The following EDF1 variants were observed in gnomAD, a reference collection of about 807,000 sequenced individuals.
EDF1 encodes endothelial differentiation related factor 1.
Under a neutral mutation model 20.8 loss-of-function variants are expected in EDF1, and 5 were observed. The ratio of observed to expected loss-of-function variants is 0.24; its 90% CI spans 0.13 to 0.51. The LOEUF (loss-of-function observed/expected upper bound fraction) is 0.51. Among genes scored for constraint, EDF1 ranks in the 20% least tolerant of loss-of-function variants. The pLI, the probability that EDF1 is intolerant of heterozygous loss-of-function variation, is 0.97. For synonymous variants in EDF1, 96 were observed against 78.5 expected (o/e 1.22, Z -1.18); for missense variants, 137 against 197.8 (o/e 0.69, Z 1.84).
At position 136,863,343 on chromosome 9, in the gene EDF1, T is replaced by G; in HGVS notation, c.236A>C (p.Lys79Thr). 1 of 1,614,066 alleles carries G rather than the reference T, an allele frequency of 6.2e-7. No individual in the cohort carries two copies. Among genetic ancestry groups the G allele is most frequent in the Non-Finnish European group, 8.5e-7 (1 of 1,180,008 alleles). Reference protein sequence around the residue: ...HHDRVTLEVGKVIQQGRQSKG... With the variant: ...HHDRVTLEVGTVIQQGRQSKG... ...GCTCTGCCGACCTTGCTGGATCACC[T>G]TGCCCACCTCCAGGGTCACCCTGTC... Residue 79 changes from lysine to threonine, a missense_variant, in exon 3 of 5, where the codon AAG (lysine) becomes ACG (threonine). Lys to Thr is a moderately conservative substitution (Grantham distance 78). Coordinates refer to ENST00000224073, the MANE Select transcript of EDF1 (RefSeq NM_003792.4). This position sits in a 1 kb window ranked among gnomAD's most constrained non-coding sequence, Gnocchi z 4.5.
Position 136,862,808 on chromosome 9 carries a change from G to C in EDF1, c.385+98C>G, listed in dbSNP as rs1287300608. 2 of 1,610,048 alleles carry C rather than the reference G, an allele frequency of 1.2e-6. No individual in the cohort carries two copies. The highest frequency in any genetic ancestry group is 3.3e-5 in the Admixed American group (2 of 59,976). On this transcript the variant is annotated intron_variant, in intron 4 of 4. Transcript: ENST00000224073. The surrounding 1 kb of genome is among the most constrained non-coding windows in gnomAD (Gnocchi z 4.1). ...ATTCAGAGAACAGGGGACCCCCAGG[G>C]CCATCTTCTTCCCCCGAGTCCCACT...
chr9:136,862,406 C>A lies in EDF1; in HGVS notation c.386-61G>T. The A allele has an allele frequency of 6.2e-7, 1 of 1,613,956 alleles. No homozygotes were observed. ...CAGCTCCCTCCTCCCCCCAACGCTG[C>A]CCCTCTTCAACATCTTCCCAGGGAA... is the stretch of plus-strand genomic sequence containing the variant. On this transcript the variant is annotated intron_variant, in intron 4 of 4. Coordinates refer to ENST00000224073, the MANE Select transcript of EDF1 (RefSeq NM_003792.4). The surrounding 1 kb of genome is among the most constrained non-coding windows in gnomAD (Gnocchi z 4.1).
chr9:136,865,632 C>T (rs771844743), intron 1 of EDF1, among the ~76,000 whole-genome samples: 1 of 150,528 alleles, frequency 6.6e-6, no homozygotes, highest in Non-Finnish European at 1.5e-5. Flanking sequence ...CCACCCCTGT[C>T]CTAAGCCCTG....
At position 136,862,934 on chromosome 9, in the gene EDF1, C is replaced by G; in HGVS notation, c.357G>C (p.Gln119His). 3 of 1,613,970 alleles carry G rather than the reference C, an allele frequency of 1.9e-6. No individual in the cohort carries two copies. Among genetic ancestry groups the G allele is most frequent in the Non-Finnish European group, 2.5e-6 (3 of 1,180,030 alleles). The change falls in exon 4 of 5, where the codon CAG (glutamine) becomes CAC (histidine). Residue 119 changes from glutamine to histidine, a missense_variant. Coordinates refer to ENST00000224073, the MANE Select transcript of EDF1 (RefSeq NM_003792.4). The surrounding 1 kb of genome is among the most constrained non-coding windows in gnomAD (Gnocchi z 4.1). The part of the protein sequence containing the change: ...YESGRAIPNN[Q>H]VLGKIERAIG... The stretch of plus-strand genomic sequence containing the variant: ...TGGCCCGCTCGATTTTGCCAAGCAC[C>G]TGGTTATTGGGTATGGCCCGTCCGC...
In EDF1 at chr9:136,866,280, G is replaced by C. The variant is rs1036614558; in HGVS notation, c.-22C>G. The C allele has an allele frequency of 4.4e-6, 7 of 1,591,750 alleles. No individual in the cohort carries two copies. Among genetic ancestry groups the C allele is most frequent in the Non-Finnish European group, 5.1e-6 (6 of 1,173,060 alleles). ...CCATGGCGGGCGAAGACGAGCGTCC[G>C]TCCGGCGGCTCAGCGGCAGCTGCTA... On this transcript the variant is annotated 5_prime_UTR_variant, in exon 1 of 5. Coordinates refer to ENST00000224073, the MANE Select transcript of EDF1 (RefSeq NM_003792.4).
chr9:136,865,325 A>C (rs936482890), intron 1 of EDF1, among the ~76,000 whole-genome samples: 2 of 152,034 alleles, frequency 1.3e-5, no homozygotes, highest in Non-Finnish European at 2.9e-5. Flanking sequence ...AACAGGGTCC[A>C]CCTGCTCATG....
Position 136,863,052 on chromosome 9 carries a change from A to G in EDF1, c.292-53T>C. The G allele has an allele frequency of 6.2e-7, 1 of 1,607,622 alleles. No individual in the cohort carries two copies. The highest frequency in any genetic ancestry group is 1.1e-5 in the South Asian group (1 of 90,948). On this transcript the variant is annotated intron_variant, in intron 3 of 4. Coordinates refer to ENST00000224073, the MANE Select transcript of EDF1 (RefSeq NM_003792.4). The surrounding 1 kb of genome is among the most constrained non-coding windows in gnomAD (Gnocchi z 4.5). ...TCAGCTCCACTAGGACTGCTGCAAA[A>G]CCAGGCGCGAAGCGTCGCCTGAGAA... is the stretch of plus-strand genomic sequence containing the variant.
chr9:136,862,618 G>A lies in EDF1; in HGVS notation c.386-273C>T, dbSNP rs765427114. 1.5e-4 allele frequency: 233 copies of A among 1,523,848 alleles called. No homozygotes were observed. The highest frequency in any genetic ancestry group is 2.3e-4 in the Middle Eastern group (1 of 4,292). 94.4% of individuals were successfully genotyped at this position (1,523,848 alleles called of 1,614,324 possible). A position where few individuals can be genotyped will look rare whatever the true frequency, so the allele number is the denominator to read the frequency against. The stretch of plus-strand genomic sequence containing the variant: ...TTCCGGCCCCATGCTGACAGGGCCC[G>A]GACCCGCTGTGCTCAGGCTCAGAGA... On this transcript the variant is annotated intron_variant, in intron 4 of 4. Coordinates refer to ENST00000224073, the MANE Select transcript of EDF1 (RefSeq NM_003792.4). This position sits in a 1 kb window ranked among gnomAD's most constrained non-coding sequence, Gnocchi z 4.1.
At position 136,862,660 on chromosome 9, in the gene EDF1, C is replaced by A; in HGVS notation, c.385+246G>T. Reference sequence around the variant, plus strand: ...GCTCAGAGAACCATCGCCAACAGCACAGGCTGACGGGAACTGGCAAGGGGA... The same window carrying A: ...GCTCAGAGAACCATCGCCAACAGCAAAGGCTGACGGGAACTGGCAAGGGGA... On this transcript the variant is annotated intron_variant, in intron 4 of 4. Transcript: ENST00000224073. The surrounding 1 kb of genome is among the most constrained non-coding windows in gnomAD (Gnocchi z 4.1). 1 of 1,492,468 alleles carries A rather than the reference C, an allele frequency of 6.7e-7. No homozygotes were observed. Among genetic ancestry groups the A allele is most frequent in the Non-Finnish European group, 8.9e-7 (1 of 1,126,996 alleles). The allele number at this position is 1,492,468 out of a possible 1,614,324, so 92.5% of individuals were successfully genotyped here.
intron 1 of EDF1, among the ~76,000 whole-genome samples, chr9:136,864,515 G>GT (rs1352916974): frequency 3.3e-5 from 5 of 152,112 alleles, no homozygotes; most frequent in Non-Finnish European, 7.3e-5. Flanking sequence ...CTGGTTCCTA[G>GT]TAACACAGAG....
chr9:136,863,148 C>A lies in EDF1; in HGVS notation c.291+140G>T. On this transcript the variant is annotated intron_variant, in intron 3 of 4. Transcript: ENST00000224073. The surrounding 1 kb of genome is among the most constrained non-coding windows in gnomAD (Gnocchi z 4.5). The stretch of plus-strand genomic sequence containing the variant: ...GTTTTGTGCGAGAGGCAGTGAGAGC[C>A]GGGCTGACCTGGCTTCCCGAGGCAT... 1 of 1,513,878 alleles carries A rather than the reference C, an allele frequency of 6.6e-7. No homozygotes were observed. Among genetic ancestry groups the A allele is most frequent in the Non-Finnish European group, 9.0e-7 (1 of 1,115,682 alleles). 93.8% of individuals were successfully genotyped at this position (1,513,878 alleles called of 1,614,324 possible). A position where few individuals can be genotyped will look rare whatever the true frequency, so the allele number is the denominator to read the frequency against.
Position 136,862,320 on chromosome 9 carries a change from A to G in EDF1, c.411T>C (p.Ile137=), listed in dbSNP as rs145826099. ...TAGGCCCCTTCTCGATGGGCTTTCC[A>G]ATGTCCTTTCCCCGGAGCTTGAGGC... is the stretch of plus-strand genomic sequence containing the variant. ...AIGLKLRGKD[I]GKPIEKGPRA... The change falls in exon 5 of 5, where the codon ATT becomes ATC. Residue 137 remains isoleucine, a synonymous_variant. Transcript: ENST00000224073. This position sits in a 1 kb window ranked among gnomAD's most constrained non-coding sequence, Gnocchi z 4.1. 3.7e-3 allele frequency: 6,044 copies of G among 1,613,804 alleles called. 20 individuals carry two copies. The highest frequency in any genetic ancestry group is 7.3e-3 in the Middle Eastern group (44 of 6,060).
At position 136,863,885 on chromosome 9, in the gene EDF1, A is replaced by C. The variant is rs150134508; in HGVS notation, c.79-14T>G. 2.1e-5 allele frequency: 34 copies of C among 1,613,714 alleles called. No homozygotes were observed. The highest frequency in any genetic ancestry group is 2.8e-5 in the Non-Finnish European group (33 of 1,179,966). ...CGCTAAGATAGCCTAGAAAATTAGA[A>C]AACATCAGTGGATCAAAATTAGCTT... On this transcript the variant is annotated splice_polypyrimidine_tract_variant and intron_variant, in intron 1 of 4. Transcript: ENST00000224073. This position sits in a 1 kb window ranked among gnomAD's most constrained non-coding sequence, Gnocchi z 4.5.
chr9:136,865,472 C>G (rs966380614), intron 1 of EDF1, among the ~76,000 whole-genome samples: 11 of 151,962 alleles, frequency 7.2e-5, no homozygotes, highest in Non-Finnish European at 1.0e-4. Context: ...GAGCCTACCC[C>G]CTGTCCCCAG....
chr9:136,863,794 T>A lies in EDF1; in HGVS notation c.130+26A>T. 2 of 1,613,738 alleles carry A rather than the reference T, an allele frequency of 1.2e-6. No homozygotes were observed. Among genetic ancestry groups the A allele is most frequent in the African/African-American group, 1.3e-5 (1 of 75,038 alleles). On this transcript the variant is annotated intron_variant, in intron 2 of 4. Coordinates refer to ENST00000224073, the MANE Select transcript of EDF1 (RefSeq NM_003792.4). This position sits in a 1 kb window ranked among gnomAD's most constrained non-coding sequence, Gnocchi z 4.5. ...ATGGACCCCACAGCACAGCCTCATG[T>A]TGCAAGCGGAAACACAAGTACCTAC... is the stretch of plus-strand genomic sequence containing the variant.
At chr9:136,865,074 G>A (rs1019570270) in intron 1 of EDF1, among the ~76,000 whole-genome samples, 1 of 152,150 alleles carries the variant, frequency 6.6e-6, no homozygotes, top group Non-Finnish European at 1.5e-5. Flanking sequence ...TTTTGACTGT[G>A]CAACCAGTAA....
At chr9:136,865,195 C>T (rs150874291) in intron 1 of EDF1, among the ~76,000 whole-genome samples, 187 of 152,268 alleles carry the variant, frequency 1.2e-3, no homozygotes, top group Non-Finnish European at 2.0e-3. Flanking sequence ...GAGGCAGAGG[C>T]GGTGACTAAA....
chr9:136,863,996 T>A lies in EDF1; in HGVS notation c.79-125A>T. On this transcript the variant is annotated intron_variant, in intron 1 of 4. Transcript: ENST00000224073. This position sits in a 1 kb window ranked among gnomAD's most constrained non-coding sequence, Gnocchi z 4.5. Reference sequence around the variant, plus strand: ...GACTAGTGGTGCCCAAGGACTGATATGCAGTCCTGGGTTCAGTTACCTAAG... The same window carrying A: ...GACTAGTGGTGCCCAAGGACTGATAAGCAGTCCTGGGTTCAGTTACCTAAG... 2.1e-6 allele frequency: 2 copies of A among 972,880 alleles called. No homozygotes were observed. The highest frequency in any genetic ancestry group is 3.1e-6 in the Non-Finnish European group (2 of 637,280). 60.3% of individuals were successfully genotyped at this position (972,880 alleles called of 1,614,324 possible).
intron 1 of EDF1, among the ~76,000 whole-genome samples, chr9:136,865,210 C>T (rs1366002305): frequency 6.6e-6 from 1 of 152,104 alleles, no homozygotes; most frequent in African/African-American, 2.4e-5. Context: ...ACTAAACTGT[C>T]CTCCCTATTA....
Sources: allele counts gnomAD v4.1 joint callset (sites outside exome capture counted in the v4.1 genomes callset), GRCh38; gene constraint gnomAD v4.1.1; non-coding constraint Gnocchi (gnomAD v3.1); transcripts MANE v1.5; gene names NCBI Gene and HGNC (gene_info 2026-07-23, HGNC 2026-07-21).